The following KIAA1328 variants were observed in gnomAD, a reference collection of about 807,000 sequenced individuals.
KIAA1328 encodes the protein protein hinderin.
In KIAA1328, 52 loss-of-function variants were observed where a neutral mutation model predicts 68.1. The ratio of observed to expected loss-of-function variants is 0.76; its 90% CI spans 0.61 to 0.96. KIAA1328 has a LOEUF of 0.96. KIAA1328 is among the 40% of genes least tolerant of loss of function. KIAA1328 has a pLI of 0.00. For synonymous variants in KIAA1328, 232 were observed against 239.4 expected, an observed-to-expected ratio of 0.97 and a Z score of 0.28; for missense variants, 641 against 677.6, an observed-to-expected ratio of 0.95 and a Z score of 0.60.
chr18:36,902,035 G>C (rs568615004), intron 5 of KIAA1328: 3 of 151,914 alleles, frequency 2.0e-5, no homozygotes, highest in Non-Finnish European at 4.4e-5. Flanking sequence ...ACTTTTCACA[G>C]TTGTTGAATC....
At chr18:37,201,041 G>A (rs2060104062) in intron 9 of KIAA1328, among the ~76,000 whole-genome samples, 2 of 152,186 alleles carry the variant, frequency 1.3e-5, no homozygotes, top group African/African-American at 4.8e-5. Flanking sequence ...ATGTCTCAGT[G>A]AGGAATTTTT....
chr18:36,916,207 T>TA (rs2049692746), intron 5 of KIAA1328, among the ~76,000 whole-genome samples: 1 of 151,386 alleles, frequency 6.6e-6, no homozygotes, highest in African/African-American at 2.4e-5. Context: ...GGATTCCAAT[T>TA]TATATATATA....
intron 7 of KIAA1328, among the ~76,000 whole-genome samples, chr18:37,077,921 T>A (rs1428731502): frequency 6.6e-6 from 1 of 152,000 alleles, no homozygotes; most frequent in African/African-American, 2.4e-5. Flanking sequence ...ATTTATAGAT[T>A]CAATGCCATT....
At chr18:36,848,688 T>C (rs2047115323) in intron 4 of KIAA1328, among the ~76,000 whole-genome samples, 3 of 151,310 alleles carry the variant, frequency 2.0e-5, no homozygotes, top group African/African-American at 7.3e-5. Context: ...AAGCTGTACA[T>C]TTTTTAATAG....
intron 5 of KIAA1328, among the ~76,000 whole-genome samples, chr18:36,939,907 T>A (rs2050641054): frequency 6.6e-6 from 1 of 152,162 alleles, no homozygotes; most frequent in Admixed American, 6.5e-5. Context: ...AAAAAATATC[T>A]ATTTTATATA....
intron 6 of KIAA1328, among the ~76,000 whole-genome samples, chr18:37,048,044 T>C (rs987992694): frequency 6.6e-6 from 1 of 152,224 alleles, no homozygotes; most frequent in Non-Finnish European, 1.5e-5. Context: ...TGGCTATTCC[T>C]ATGTACCTTC....
chr18:37,073,792 G>A (rs2056614854), intron 7 of KIAA1328, among the ~76,000 whole-genome samples: 1 of 152,078 alleles, frequency 6.6e-6, no homozygotes, highest in African/African-American at 2.4e-5. Flanking sequence ...ATTCATAAGT[G>A]CTTTTTGCAG....
chr18:37,223,904 G>A lies in KIAA1328; in HGVS notation c.*1677G>A. The A allele has an allele frequency of 1.0e-6, 1 of 981,990 alleles. No individual in the cohort carries two copies. The highest frequency in any genetic ancestry group is 4.7e-5 in the South Asian group (1 of 21,194). The allele number at this position is 981,990 out of a possible 1,614,324, so 60.8% of individuals were successfully genotyped here. A position where few individuals can be genotyped will look rare whatever the true frequency, so the allele number is the denominator to read the frequency against. On this transcript the variant is annotated 3_prime_UTR_variant, in exon 10 of 10. Transcript: ENST00000280020. The stretch of plus-strand genomic sequence containing the variant: ...TCTTCTGAAATAAATATAAAGTCAA[G>A]ACTAACTAGTTATAATCATTCCCTT...
chr18:37,186,310 G>A (rs916269355), intron 9 of KIAA1328, among the ~76,000 whole-genome samples: 1 of 151,568 alleles, frequency 6.6e-6, no homozygotes, highest in African/African-American at 2.4e-5. Context: ...AGTGGCTCAC[G>A]CTCCCAACAC....
intron 5 of KIAA1328, among the ~76,000 whole-genome samples, chr18:36,904,122 A>G (rs2049132571): frequency 6.6e-6 from 1 of 152,092 alleles, no homozygotes; most frequent in African/African-American, 2.4e-5. Context: ...TTGGATGATG[A>G]TGGGATGTGG....
At chr18:36,860,555 G>T (rs1239240226) in intron 4 of KIAA1328, among the ~76,000 whole-genome samples, 2 of 151,876 alleles carry the variant, frequency 1.3e-5, no homozygotes, top group Non-Finnish European at 2.9e-5. Flanking sequence ...GGCACTTTTA[G>T]CTTTTCTAAA....
At chr18:37,134,817 A>T (rs1482636379) in intron 7 of KIAA1328, among the ~76,000 whole-genome samples, 1 of 152,142 alleles carries the variant, frequency 6.6e-6, no homozygotes, top group African/African-American at 2.4e-5. Context: ...AGGTACTGAG[A>T]ATAGTACCCA....
intron 5 of KIAA1328, among the ~76,000 whole-genome samples, chr18:36,935,437 A>G (rs11665174): frequency 0.6 from 90,663 of 152,112 alleles, 28,879 homozygotes; most frequent in East Asian, 0.87. Flanking sequence ...TGTCTGGTTA[A>G]AAGCTGCCCA....
At chr18:37,004,755 T>A (rs2053715835) in intron 6 of KIAA1328, among the ~76,000 whole-genome samples, 1 of 152,108 alleles carries the variant, frequency 6.6e-6, no homozygotes, top group African/African-American at 2.4e-5. Context: ...GCTAGGTATC[T>A]ACCCACAGGA....
chr18:36,830,151 C>T (rs1283112952), intron 1 of KIAA1328, among the ~76,000 whole-genome samples: 3 of 152,148 alleles, frequency 2.0e-5, no homozygotes, highest in African/African-American at 4.8e-5. Context: ...GGGCATTCTT[C>T]TTAGCTCCCA....
At chr18:37,114,828 G>A (rs932243024) in intron 7 of KIAA1328, among the ~76,000 whole-genome samples, 1 of 152,182 alleles carries the variant, frequency 6.6e-6, no homozygotes, top group East Asian at 1.9e-4. Context: ...GATGATAAAG[G>A]GGATATCACC....
chr18:36,910,732 A>G (rs920478395), intron 5 of KIAA1328, among the ~76,000 whole-genome samples: 6 of 151,984 alleles, frequency 3.9e-5, no homozygotes, highest in African/African-American at 9.7e-5. Context: ...CATTTTCATG[A>G]TATTGATTCT....
At chr18:36,864,973 C>CT (rs569309902) in intron 4 of KIAA1328, among the ~76,000 whole-genome samples, 216 of 139,434 alleles carry the variant, frequency 1.5e-3, no homozygotes, top group Non-Finnish European at 2.6e-3. Flanking sequence ...AGTTTATTGA[C>CT]TTTTTTTTTT....
intron 4 of KIAA1328, among the ~76,000 whole-genome samples, chr18:36,863,229 T>C (rs1009003303): frequency 2.0e-5 from 3 of 152,114 alleles, no homozygotes; most frequent in African/African-American, 7.2e-5. Context: ...AGTTAACTTT[T>C]GAATAACATG....
Sources: allele counts gnomAD v4.1 joint callset (sites outside exome capture counted in the v4.1 genomes callset), GRCh38; gene constraint gnomAD v4.1.1; transcripts MANE v1.5; gene names NCBI Gene and HGNC (gene_info 2026-07-23, HGNC 2026-07-21).